The following CDK5RAP3 variants were observed in gnomAD, a reference collection of about 807,000 sequenced individuals.
CDK5RAP3 encodes the protein CDK5 regulatory subunit-associated protein 3.
A neutral mutation model predicts 73.3 loss-of-function variants in CDK5RAP3; 58 were observed. The observed-to-expected ratio is 0.79, with a 90% CI of 0.64 to 0.98. CDK5RAP3 has a LOEUF of 0.98. CDK5RAP3 is among the 50% of genes least tolerant of loss of function. The pLI is 0.00. For missense variants in CDK5RAP3, 525 were observed against 615.8 expected (o/e 0.85, Z 1.56); for synonymous variants, 224 against 247.5 (o/e 0.91, Z 0.89).
At chr17:47,971,491 C>A in intron 2 of CDK5RAP3, 84 bp downstream of exon 2, 1 of 1,343,404 alleles carries the variant, frequency 7.4e-7, no homozygotes, top group East Asian at 2.5e-5. Flanking sequence ...GGAGCTCTGA[C>A]CCCTGAAAGC....
Position 47,971,407 on chromosome 17 carries a change from G to T in CDK5RAP3, c.52G>T (p.Asp18Tyr). 1 of 1,603,114 alleles carries T rather than the reference G, an allele frequency of 6.2e-7. No individual in the cohort carries two copies. Among genetic ancestry groups the T allele is most frequent in the East Asian group, 2.2e-5 (1 of 44,454 alleles). Residue 18 changes from aspartate to tyrosine, a missense_variant and splice_region_variant, in exon 2 of 14, where the codon GAT becomes TAT. Physicochemically the swap from Asp to Tyr is radical, Grantham distance 160. This residue lies in a region of CDK5RAP3 where 409 missense variants were observed against 429.8 expected (regional missense o/e 0.95). Coordinates refer to ENST00000338399, the MANE Select transcript of CDK5RAP3 (RefSeq NM_176096.3). Reference protein sequence around the residue: ...PIDIQTSKLLDWLVDRRHCSL... With the variant: ...PIDIQTSKLLYWLVDRRHCSL... The stretch of plus-strand genomic sequence containing the variant: ...CGACATCCAGACCAGCAAGCTGCTC[G>T]GTAGGAGGGGGCGCCACCGCGCAGC...
chr17:47,980,536 G>C, intron 11 of CDK5RAP3, 57 bp from the exon 12 acceptor site: 1 of 1,526,282 alleles, frequency 6.6e-7, no homozygotes, highest in Non-Finnish European at 9.1e-7. Context: ...CACAGTGCTG[G>C]AATTGCAAGT....
At chr17:47,971,556 C>A in intron 2 of CDK5RAP3, 149 bp downstream of exon 2, 1 of 727,476 alleles carries the variant, frequency 1.4e-6, no homozygotes. Flanking sequence ...GTGGCCAGAC[C>A]TGCTTCCCTG....
chr17:47,976,051 G>C, intron 8 of CDK5RAP3, 38 bp downstream of exon 8: 1 of 1,600,358 alleles, frequency 6.2e-7, no homozygotes, highest in African/African-American at 1.3e-5. Context: ...GGAGTGGAGT[G>C]GGAGCTGCTT....
At position 47,971,415 on chromosome 17, in the gene CDK5RAP3, G is replaced by T. The variant is rs2036262417; in HGVS notation, c.52+8G>T. Reference sequence around the variant, plus strand: ...AGACCAGCAAGCTGCTCGGTAGGAGGGGGCGCCACCGCGCAGCTGGCTGTC... The same window carrying T: ...AGACCAGCAAGCTGCTCGGTAGGAGTGGGCGCCACCGCGCAGCTGGCTGTC... On this transcript the variant is annotated splice_region_variant and intron_variant, in intron 2 of 13. Coordinates refer to ENST00000338399, the MANE Select transcript of CDK5RAP3 (RefSeq NM_176096.3). 1.9e-6 allele frequency: 3 copies of T among 1,599,794 alleles called. No individual in the cohort carries two copies. In the East Asian group the frequency reaches 6.8e-5, roughly 36 times the overall value.
At chr17:47,976,666 T>C (rs1369166458) in intron 8 of CDK5RAP3, 46 bp from the exon 9 acceptor site, 2 of 1,390,036 alleles carry the variant, frequency 1.4e-6, no homozygotes, top group East Asian at 4.6e-5. Context: ...GCCCGGCCCT[T>C]TTTAAATCCA....
In CDK5RAP3 at chr17:47,978,548, G is replaced by A. The variant is rs2036476817; in HGVS notation, c.989-281G>A. On this transcript the variant is annotated intron_variant, in intron 10 of 13. Transcript: ENST00000338399. ...TCTGAGCCACTAGAGGGCGGTGCAG[G>A]ATGAAACTTTACCTCCTGCGGTCCA... 2.8e-5 allele frequency: 12 copies of A among 430,152 alleles called. No homozygotes were observed. In the South Asian group the frequency reaches 3.2e-4, roughly 11 times the overall value. 26.6% of individuals were successfully genotyped at this position (430,152 alleles called of 1,614,324 possible). A position where few individuals can be genotyped will look rare whatever the true frequency, so the allele number is the denominator to read the frequency against.
chr17:47,974,985 T>G, intron 5 of CDK5RAP3, 174 bp from the exon 6 acceptor site: 1 of 1,493,044 alleles, frequency 6.7e-7, no homozygotes, highest in Middle Eastern at 1.8e-4. Context: ...GTTTTACCGA[T>G]GAGGGTTGGA....
At chr17:47,970,536 T>C (rs1006516763), upstream of CDK5RAP3, 6 of 797,294 alleles carry the variant, frequency 7.5e-6, no homozygotes, top group Admixed American at 2.0e-5. Flanking sequence ...TTAGACTCAA[T>C]GTAGGTGTTC....
rs1685461630 is a variant in CDK5RAP3, at chr17:47,981,152, G to A, written c.1284-11G>A. ...CAGCTAACCCAGCACTCACCTGAGT[G>A]CCCCGCACAGGTATGTGGACCGAGT... On this transcript the variant is annotated splice_polypyrimidine_tract_variant and intron_variant, in intron 12 of 13. Coordinates refer to ENST00000338399, the MANE Select transcript of CDK5RAP3 (RefSeq NM_176096.3). The A allele has an allele frequency of 2.5e-6, 4 of 1,611,360 alleles. No homozygotes were observed. The highest frequency in any genetic ancestry group is 3.4e-6 in the Non-Finnish European group (4 of 1,178,062).
chr17:47,975,508 C>T lies in CDK5RAP3; in HGVS notation c.514-6C>T, dbSNP rs2144225387. ...TGTTGGACTCCACCTCTTCTCCCCT[C>T]TCTAGGGCGAAAATGTCCGAGGAGA... On this transcript the variant is annotated splice_region_variant and splice_polypyrimidine_tract_variant and intron_variant, in intron 6 of 13. Transcript: ENST00000338399. 1.2e-6 allele frequency: 2 copies of T among 1,610,702 alleles called. No homozygotes were observed. The highest frequency in any genetic ancestry group is 1.7e-6 in the Non-Finnish European group (2 of 1,180,018).
rs1212230157 is a variant in CDK5RAP3 at position 47,977,812 on chromosome 17, G to A, written c.910-20G>A. The A allele has an allele frequency of 2.5e-6, 4 of 1,609,916 alleles. No homozygotes were observed. The highest frequency in any genetic ancestry group is 3.4e-6 in the Non-Finnish European group (4 of 1,177,324). ...GGAAAATTCTCCCCCCATTGCTGTG[G>A]TTCTTTGCTCTCCTTCCAGGATCCT... On this transcript the variant is annotated intron_variant, in intron 9 of 13. Coordinates refer to ENST00000338399, the MANE Select transcript of CDK5RAP3 (RefSeq NM_176096.3).
intron 10 of CDK5RAP3, 158 bp downstream of exon 10, chr17:47,978,068 G>GTT: frequency 1.6e-5 from 6 of 377,584 alleles, no homozygotes; most frequent in East Asian, 4.6e-5. Flanking sequence ...GACCAAGAGA[G>GTT]GTTTTTTTTT....
chr17:47,980,548 T>G, intron 11 of CDK5RAP3, 45 bp from the exon 12 acceptor site: 17 of 1,569,042 alleles, frequency 1.1e-5, no homozygotes, highest in East Asian at 2.2e-5. Flanking sequence ...ATTGCAAGTG[T>G]GAGCCATCAT....
chr17:47,974,528 G>A, intron 5 of CDK5RAP3, 80 bp downstream of exon 5: 1 of 1,610,382 alleles, frequency 6.2e-7, no homozygotes, highest in Non-Finnish European at 8.5e-7. Context: ...GCTTATAGGA[G>A]GCACAGTCTG....
In CDK5RAP3 at chr17:47,981,554, A is replaced by T. The variant is rs1177929116; in HGVS notation, c.*52A>T. On this transcript the variant is annotated 3_prime_UTR_variant, in exon 14 of 14. Coordinates refer to ENST00000338399, the MANE Select transcript of CDK5RAP3 (RefSeq NM_176096.3). ...CTTCTCCGCTTTTGGGATGAAGATG[A>T]TAGCCAGGGCTGTTGTTTTGGGGCC... 1 of 1,614,078 alleles carries T rather than the reference A, an allele frequency of 6.2e-7. No individual in the cohort carries two copies. The highest frequency in any genetic ancestry group is 1.1e-5 in the South Asian group (1 of 91,064).
At chr17:47,972,408 C>G (rs1305350218) in intron 2 of CDK5RAP3, among the ~76,000 whole-genome samples, 1 of 152,192 alleles carries the variant, frequency 6.6e-6, no homozygotes, top group Non-Finnish European at 1.5e-5. Flanking sequence ...ATTTTTCTTT[C>G]TGAAAACTTT....
upstream of CDK5RAP3, among the ~76,000 whole-genome samples, chr17:47,968,781 G>A (rs1199802841): frequency 3.9e-5 from 6 of 152,158 alleles, no homozygotes; most frequent in South Asian, 1.2e-3. Context: ...ATCCCAAAGT[G>A]CCGAGATTAC....
chr17:47,979,373 G>A (rs2036499824), intron 11 of CDK5RAP3: 1 of 160,282 alleles, frequency 6.2e-6, no homozygotes, highest in Non-Finnish European at 1.4e-5. Flanking sequence ...TGCAGGCGGT[G>A]CAGAGAGAAC....
Sources: gnomAD v4.1 joint callset for allele counts (sites outside exome capture counted in the v4.1 genomes callset) on GRCh38, gnomAD v4.1.1 for gene constraint, gnomAD v4.1.1 regional missense constraint, MANE v1.5 for transcripts, NCBI Gene and HGNC (gene_info 2026-07-23, HGNC 2026-07-21) for gene names.